The following SBF1 variants were observed in gnomAD, a reference collection of about 807,000 sequenced individuals.
SBF1 encodes the protein myotubularin-related protein 5.
In SBF1, 65 loss-of-function variants were observed where a neutral mutation model predicts 215.8. The ratio of observed to expected loss-of-function variants is 0.30; its 90% CI spans 0.25 to 0.37. The LOEUF is 0.37. Ranked by LOEUF, SBF1 falls within the 10% of genes least tolerant of loss-of-function variation. The pLI is 1.00. For missense variants in SBF1, 2,634 were observed against 2,667.8 expected (o/e 0.99, Z 0.28); for synonymous variants, 1,410 against 1,122.8 (o/e 1.26, Z -5.11).
rs1404146288 is a variant in SBF1 at position 50,474,988 on chromosome 22, C to T, written c.-148G>A. On this transcript the variant is annotated 5_prime_UTR_variant, in exon 1 of 41. Coordinates refer to ENST00000380817, the MANE Select transcript of SBF1 (RefSeq NM_002972.4). Reference sequence around the variant, plus strand: ...TCCGCGGCGGCGGCGGCGGCGGCGGCGGCGGCCCAGGTTCCCGCCGCCATC... The same window carrying T: ...TCCGCGGCGGCGGCGGCGGCGGCGGTGGCGGCCCAGGTTCCCGCCGCCATC... 3.8e-5 allele frequency: 12 copies of T among 317,504 alleles called. No homozygotes were observed. The highest frequency in any genetic ancestry group is 8.2e-5 in the South Asian group (1 of 12,142). The allele number at this position is 317,504 out of a possible 1,614,324, so 19.7% of individuals were successfully genotyped here.
At chr22:50,456,766 C>T in intron 29 of SBF1, 93 bp from the exon 30 acceptor site, 11 of 1,171,784 alleles carry the variant, frequency 9.4e-6, no homozygotes, top group East Asian at 2.7e-5. Context: ...GGGGGCTGAG[C>T]TCCCAGGGCA....
At position 50,464,350 on chromosome 22, in the gene SBF1, C is replaced by G; in HGVS notation, c.1728G>C (p.Gly576=). 1 of 1,613,982 alleles carries G rather than the reference C, an allele frequency of 6.2e-7. No homozygotes were observed. Among genetic ancestry groups the G allele is most frequent in the Non-Finnish European group, 8.5e-7 (1 of 1,179,950 alleles). ...TCACCTTCTTGGCCTCAAGCATTTT[C>G]CCCTCAAACACGTAGGAGATGCAGT... ...VRNCISYVFE[G]KMLEAKKLLP... The change falls in exon 15 of 41, where the codon GGG becomes GGC. Residue 576 remains glycine (G), a synonymous_variant. Transcript: ENST00000380817.
chr22:50,468,173 G>A (rs1326626447), intron 2 of SBF1, among the ~76,000 whole-genome samples: 1 of 152,204 alleles, frequency 6.6e-6, no homozygotes, highest in Non-Finnish European at 1.5e-5. Context: ...TCATGAGTGA[G>A]TGACAACATG....
At chr22:50,466,732 G>C in intron 5 of SBF1, 22 bp from the exon 6 acceptor site, 1 of 1,488,168 alleles carries the variant, frequency 6.7e-7, no homozygotes, top group Non-Finnish European at 9.0e-7. Context: ...AAAGGATCGG[G>C]GCTCAGTAGT....
intron 36 of SBF1, among the ~76,000 whole-genome samples, chr22:50,451,860 G>A (rs982990447): frequency 4.7e-5 from 7 of 150,378 alleles, no homozygotes; most frequent in South Asian, 2.1e-4. Context: ...GCAGTGGCGC[G>A]ATCTCAGCTC....
At chr22:50,473,685 G>A (rs1198446257) in intron 1 of SBF1, among the ~76,000 whole-genome samples, 2 of 152,182 alleles carry the variant, frequency 1.3e-5, no homozygotes, top group East Asian at 1.9e-4. Context: ...GGTGGGGACA[G>A]TGACAACTGG....
chr22:50,449,113 G>A (rs1214519477), intron 36 of SBF1, among the ~76,000 whole-genome samples: 4 of 151,826 alleles, frequency 2.6e-5, no homozygotes, highest in Non-Finnish European at 5.9e-5. Flanking sequence ...CGGAGGTTGC[G>A]GTGAGCCGAG....
Position 50,462,245 on chromosome 22 carries a change from C to G in SBF1, c.2356G>C (p.Gly786Arg), listed in dbSNP as rs1223186544. 3.7e-6 allele frequency: 6 copies of G among 1,609,318 alleles called. No homozygotes were observed. Among genetic ancestry groups the G allele is most frequent in the Non-Finnish European group, 5.1e-6 (6 of 1,179,978 alleles). ...CTGTTGCTGGCGCTCTCCAGGTCGC[C>G]CAGCCCGGCACGCTCCCGAAGTAGG... ...SRLLRERAGL[G>R]DLESASNSLV... The change falls in exon 19 of 41, where the codon GGC (glycine) becomes CGC (arginine). Residue 786 changes from glycine to arginine, a missense_variant. Coordinates refer to ENST00000380817, the MANE Select transcript of SBF1 (RefSeq NM_002972.4).
chr22:50,447,244 G>A lies in SBF1; in HGVS notation c.5584-4C>T. 6.2e-7 allele frequency: 1 copy of A among 1,613,912 alleles called. No individual in the cohort carries two copies. The highest frequency in any genetic ancestry group is 1.1e-5 in the South Asian group (1 of 91,080). On this transcript the variant is annotated splice_region_variant and splice_polypyrimidine_tract_variant and intron_variant, in intron 40 of 40. Coordinates refer to ENST00000380817, the MANE Select transcript of SBF1 (RefSeq NM_002972.4). ...AAACGCGACGCGTTGTCTTCACCTG[G>A]GGAAGGGCGGGTTACTGACTCCGCA...
intron 39 of SBF1, 23 bp downstream of exon 39, chr22:50,447,499 C>T (rs374108188): frequency 3.1e-6 from 5 of 1,608,832 alleles, no homozygotes; most frequent in Non-Finnish European, 3.4e-6. Context: ...CCCGTGAGTC[C>T]CCCCCACCAC....
In SBF1 at chr22:50,448,328, C is replaced by G; in HGVS notation, c.5268G>C (p.Gln1756His). Residue 1756 changes from glutamine to histidine, a missense_variant, in exon 38 of 41, where the codon CAG becomes CAC. Transcript: ENST00000380817. ...STLSLSLDSDQSSGSTTSGSR... is the reference protein window; with the variant it reads ...STLSLSLDSDHSSGSTTSGSR... ...AGCCGGATGTGGTTGAGCCACTACTCTGGTCGCTGTCCAGGCTGAGGCTCA... is the reference window on the plus strand; with the variant it reads ...AGCCGGATGTGGTTGAGCCACTACTGTGGTCGCTGTCCAGGCTGAGGCTCA... 1 of 1,613,688 alleles carries G rather than the reference C, an allele frequency of 6.2e-7. No individual in the cohort carries two copies. The highest frequency in any genetic ancestry group is 1.1e-5 in the South Asian group (1 of 91,084).
rs2067545624 is a variant in SBF1, at chr22:50,462,186, C to T, written c.2396+19G>A. On this transcript the variant is annotated intron_variant, in intron 19 of 40. Transcript: ENST00000380817. ...ACGGCCCCGCCTCCACTGGGCCCAA[C>T]CCCCAGTCCCTGCCTCACCTGTTGG... 4.4e-6 allele frequency: 7 copies of T among 1,606,740 alleles called. No individual in the cohort carries two copies. Among genetic ancestry groups the T allele is most frequent in the Non-Finnish European group, 5.9e-6 (7 of 1,179,774 alleles).
chr22:50,456,176 C>T (rs773181031), intron 31 of SBF1, 40 bp downstream of exon 31: 5 of 1,601,508 alleles, frequency 3.1e-6, no homozygotes, highest in East Asian at 2.2e-5. Context: ...GGGGAGGGCC[C>T]AGCACCAAGG....
At chr22:50,448,082 C>A in intron 38 of SBF1, 151 bp downstream of exon 38, 1 of 717,688 alleles carries the variant, frequency 1.4e-6, no homozygotes, top group Non-Finnish European at 2.3e-6. Flanking sequence ...CAGCTGTGGT[C>A]ACCAGTTCGA....
chr22:50,467,482 C>T (rs545089903), intron 4 of SBF1, 34 bp from the exon 5 acceptor site: 1 of 1,613,758 alleles, frequency 6.2e-7, no homozygotes, highest in South Asian at 1.1e-5. Context: ...GGTGGGACAG[C>T]CGATGGAAGC....
chr22:50,461,895 T>C, intron 20 of SBF1, 26 bp from the exon 21 acceptor site: 1 of 1,614,040 alleles, frequency 6.2e-7, no homozygotes, highest in Non-Finnish European at 8.5e-7. Context: ...TCTCACACTT[T>C]GTGCCCAGCC....
chr22:50,457,933 C>T (rs554893027), intron 28 of SBF1, among the ~76,000 whole-genome samples: 6 of 152,322 alleles, frequency 3.9e-5, no homozygotes, highest in Admixed American at 1.3e-4. Flanking sequence ...ACACTGCAGG[C>T]GCCCAGCTCA....
rs2066739169 is a variant in SBF1, at chr22:50,445,246, C to CAGCTT, written c.*1891_*1895dup. ...GCCACATCACGGCATCAGGTCTCTA[C>CAGCTT]AGCTTAGCAAATACTGACATTTTTC... On this transcript the variant is annotated 3_prime_UTR_variant, in exon 41 of 41. Coordinates refer to ENST00000380817, the MANE Select transcript of SBF1 (RefSeq NM_002972.4). 3 of 152,478 alleles carry CAGCTT rather than the reference C, an allele frequency of 2.0e-5. No homozygotes were observed. Among genetic ancestry groups the CAGCTT allele is most frequent in the Admixed American group, 2.0e-4 (3 of 15,292 alleles). The allele number at this position is 152,478 out of a possible 1,614,324, so 9.4% of individuals were successfully genotyped here. A position where few individuals can be genotyped will look rare whatever the true frequency, so the allele number is the denominator to read the frequency against.
Position 50,460,838 on chromosome 22 carries a change from G to A in SBF1, c.2968-126C>T, listed in dbSNP as rs1042733163. On this transcript the variant is annotated intron_variant, in intron 23 of 40. Coordinates refer to ENST00000380817, the MANE Select transcript of SBF1 (RefSeq NM_002972.4). Reference sequence around the variant, plus strand: ...AGAGAGAAGCAGGCCCCAGGCAAAGGCCTGTATCTGTGTCACACGAAGGCA... The same window carrying A: ...AGAGAGAAGCAGGCCCCAGGCAAAGACCTGTATCTGTGTCACACGAAGGCA... 9.3e-6 allele frequency: 10 copies of A among 1,075,044 alleles called. 1 individual carries two copies. Among genetic ancestry groups the A allele is most frequent in the South Asian group, 5.9e-5 (4 of 67,714 alleles). The allele number at this position is 1,075,044 out of a possible 1,614,324, so 66.6% of individuals were successfully genotyped here.
Sources: allele counts gnomAD v4.1 joint callset (sites outside exome capture counted in the v4.1 genomes callset), GRCh38; gene constraint gnomAD v4.1.1; transcripts MANE v1.5; gene names NCBI Gene and HGNC (gene_info 2026-07-23, HGNC 2026-07-21).